Variants in WASL observed in about 807,000 individuals in gnomAD.
WASL encodes actin nucleation-promoting factor WASL.
In WASL, 20 loss-of-function variants were observed where a neutral mutation model predicts 55.5. The ratio of observed to expected loss-of-function variants is 0.36; its 90% CI spans 0.25 to 0.52. The LOEUF is 0.52. Ranked by LOEUF, WASL falls within the 20% of genes least tolerant of loss-of-function variation. The pLI, the probability that WASL is intolerant of heterozygous loss-of-function variation, is 0.92. For missense variants in WASL, 504 were observed against 622.5 expected (o/e 0.81, Z 2.03); for synonymous variants, 249 against 217.6 (o/e 1.14, Z -1.27).
intron 5 of WASL, among the ~76,000 whole-genome samples, chr7:123,698,604 C>A (rs1428840659): frequency 2.0e-5 from 3 of 151,790 alleles, no homozygotes; most frequent in East Asian, 3.9e-4. Context: ...TTCAAAAATT[C>A]CATAGGAAGT....
chr7:123,724,512 G>C (rs538237012), intron 1 of WASL, among the ~76,000 whole-genome samples: 2 of 152,070 alleles, frequency 1.3e-5, no homozygotes, highest in African/African-American at 4.8e-5. Context: ...TGACTTATAA[G>C]TTCCCATGTA....
intron 5 of WASL, among the ~76,000 whole-genome samples, chr7:123,700,111 G>A (rs1394699523): frequency 7.2e-6 from 1 of 139,312 alleles, no homozygotes; most frequent in African/African-American, 2.7e-5. Flanking sequence ...GGGAGGAGGA[G>A]CTTGCAGTGA....
At chr7:123,720,344 C>CAAAAAAA in intron 1 of WASL, 3 of 349,844 alleles carry the variant, frequency 8.6e-6, no homozygotes, top group South Asian at 2.0e-5. Flanking sequence ...CATACAGCTG[C>CAAAAAAA]AAAAAAAAAA....
At chr7:123,740,054 G>T (rs1338007528) in intron 1 of WASL, among the ~76,000 whole-genome samples, 1 of 151,852 alleles carries the variant, frequency 6.6e-6, no homozygotes, top group Non-Finnish European at 1.5e-5. Context: ...ATACTGGGAG[G>T]GTGTTATGTG....
At position 123,698,971 on chromosome 7, in the gene WASL, T is replaced by C. The variant is rs1803533482; in HGVS notation, c.461-2224A>G. Among the ~76,000 whole-genome samples, 4 of 152,178 alleles carry C rather than the reference T, an allele frequency of 2.6e-5. No individual in the cohort carries two copies. The South Asian group carries it at 8.3e-4, about 31-fold the overall frequency. ...CTTCCCTTTCTGCCCTCTCACTTCT[T>C]ATCTTTACCAGTCAGTATCAGCAAC... On this transcript the variant is annotated intron_variant, in intron 5 of 10. Transcript: ENST00000223023.
intron 5 of WASL, among the ~76,000 whole-genome samples, chr7:123,697,206 A>C (rs1803507511): frequency 6.6e-6 from 1 of 152,188 alleles, no homozygotes; most frequent in African/African-American, 2.4e-5. Flanking sequence ...AAGAAGAAAA[A>C]GGGTACTTAA....
chr7:123,741,764 T>C (rs1321386413), intron 1 of WASL, among the ~76,000 whole-genome samples: 6 of 152,164 alleles, frequency 3.9e-5, no homozygotes, highest in African/African-American at 7.2e-5. Context: ...ATAAAGACTT[T>C]TTAAAAATCT....
chr7:123,723,907 C>G (rs1388948281), intron 1 of WASL, among the ~76,000 whole-genome samples: 1 of 152,182 alleles, frequency 6.6e-6, no homozygotes, highest in Admixed American at 6.5e-5. Context: ...GCTAACAATA[C>G]ACTTCTAAAA....
At chr7:123,721,783 G>A (rs1803951177) in intron 1 of WASL, among the ~76,000 whole-genome samples, 1 of 152,074 alleles carries the variant, frequency 6.6e-6, no homozygotes, top group African/African-American at 2.4e-5. Context: ...CGTGGTGGCG[G>A]GCGCCTGTAG....
intron 1 of WASL, among the ~76,000 whole-genome samples, chr7:123,740,288 C>T (rs1293208704): frequency 2.6e-5 from 4 of 151,902 alleles, no homozygotes; most frequent in Non-Finnish European, 5.9e-5. Context: ...TTCAACATTA[C>T]AGTCAATTAT....
Position 123,696,592 on chromosome 7 carries a change from G to T in WASL, c.616C>A (p.Pro206Thr). ...KRLTKADIGT[P>T]SNFQHIGHVG... ...GAACTGTCTTACTGGAAATTGCTTGGTGTTCCTATATCTGCCTTGGTTAAT... is the reference window on the plus strand; with the variant it reads ...GAACTGTCTTACTGGAAATTGCTTGTTGTTCCTATATCTGCCTTGGTTAAT... Residue 206 changes from proline (P) to threonine (T), a missense_variant, in exon 6 of 11, where the codon CCA becomes ACA. This residue lies in a region of WASL where 230 missense variants were observed against 271.9 expected (regional missense o/e 0.85). Transcript: ENST00000223023. The T allele has an allele frequency of 6.3e-7, 1 of 1,579,134 alleles. No homozygotes were observed. Among genetic ancestry groups the T allele is most frequent in the African/African-American group, 1.4e-5 (1 of 73,112 alleles).
rs375564703 is a variant in WASL at position 123,692,741 on chromosome 7, G to T, written c.953C>A (p.Pro318His). 3.3e-6 allele frequency: 5 copies of T among 1,510,000 alleles called. No homozygotes were observed. The highest frequency in any genetic ancestry group is 4.4e-6 in the Non-Finnish European group (5 of 1,131,478). 93.5% of individuals were successfully genotyped at this position (1,510,000 alleles called of 1,614,324 possible). ...AGGCGGTGGTGGAGGTGCAGCTGTG[G>T]GAGCTCTTGAAGGTGGTGGGGGAGG... Reference protein sequence around the residue: ...GAPPPPPSRAPTAAPPPPPPS... With the variant: ...GAPPPPPSRAHTAAPPPPPPS... Residue 318 changes from proline to histidine, a missense_variant, in exon 9 of 11, where the codon CCC becomes CAC. Transcript: ENST00000223023.
chr7:123,684,517 G>C lies in WASL; in HGVS notation c.*2C>G. On this transcript the variant is annotated 3_prime_UTR_variant, in exon 11 of 11. Coordinates refer to ENST00000223023, the MANE Select transcript of WASL (RefSeq NM_003941.4). ...AATATATATATATATATAATATATA[G>C]ATCAGTCTTCCCACTCATCATCATC... 4.9e-6 allele frequency: 4 copies of C among 812,036 alleles called. No individual in the cohort carries two copies. Among genetic ancestry groups the C allele is most frequent in the South Asian group, 3.5e-5 (2 of 57,556 alleles). 50.3% of individuals were successfully genotyped at this position (812,036 alleles called of 1,614,324 possible). A position where few individuals can be genotyped will look rare whatever the true frequency, so the allele number is the denominator to read the frequency against.
intron 2 of WASL, among the ~76,000 whole-genome samples, chr7:123,708,874 A>G (rs1035759667): frequency 2.0e-5 from 3 of 152,048 alleles, no homozygotes; most frequent in African/African-American, 4.8e-5. Flanking sequence ...CAGGAGAAAG[A>G]TAAAATAGGA....
Position 123,684,209 on chromosome 7 carries a change from A to T in WASL, c.*310T>A, listed in dbSNP as rs1211961455. 6.3e-6 allele frequency: 1 copy of T among 157,684 alleles called. No individual in the cohort carries two copies. Among genetic ancestry groups the T allele is most frequent in the Non-Finnish European group, 1.4e-5 (1 of 71,890 alleles). 9.8% of individuals were successfully genotyped at this position (157,684 alleles called of 1,614,324 possible). The stretch of plus-strand genomic sequence containing the variant: ...CCTTCTGGCATTATAAGTAAATTAC[A>T]TTAAGGTTTTTGTCAGTCTCACATA... On this transcript the variant is annotated 3_prime_UTR_variant, in exon 11 of 11. Transcript: ENST00000223023.
intron 5 of WASL, among the ~76,000 whole-genome samples, chr7:123,701,162 G>A (rs1018643379): frequency 2.6e-5 from 4 of 152,264 alleles, no homozygotes; most frequent in Admixed American, 2.6e-4. Context: ...GTCATTTCTA[G>A]TAAAGTTTAA....
rs144884784 is a variant in WASL at position 123,722,638 on chromosome 7, C to T, written c.118-13415G>A. Among the ~76,000 whole-genome samples, 510 of 151,964 alleles carry T rather than the reference C, an allele frequency of 3.4e-3. 3 individuals are homozygous for T. Among genetic ancestry groups the T allele is most frequent in the African/African-American group, 0.012 (496 of 41,448 alleles). On this transcript the variant is annotated intron_variant, in intron 1 of 10. Transcript: ENST00000223023. ...TTCAACACCAGCGTGGCCAACATGG[C>T]GAAACCCCACGCCTCTATTAAAAAT...
chr7:123,740,069 G>C (rs1804310220), intron 1 of WASL, among the ~76,000 whole-genome samples: 1 of 152,050 alleles, frequency 6.6e-6, no homozygotes, highest in Non-Finnish European at 1.5e-5. Context: ...TATGTGCTTA[G>C]TAAGTCCTCA....
At chr7:123,686,735 A>G (rs558090814) in intron 10 of WASL, among the ~76,000 whole-genome samples, 4 of 152,144 alleles carry the variant, frequency 2.6e-5, no homozygotes, top group Non-Finnish European at 5.9e-5. Context: ...CAACCTCTAA[A>G]CAAAGCTTGA....
Sources: allele counts gnomAD v4.1 joint callset (sites outside exome capture counted in the v4.1 genomes callset), GRCh38; gene constraint gnomAD v4.1.1; regional missense constraint gnomAD v4.1.1; transcripts MANE v1.5; gene names NCBI Gene and HGNC (gene_info 2026-07-23, HGNC 2026-07-21).